Variants in CRPPA observed in about 807,000 individuals in gnomAD.
CRPPA encodes the protein CDP-L-ribitol pyrophosphorylase A.
CRPPA carries 43 observed loss-of-function variants against 52.0 expected under a neutral mutation model. The observed-to-expected ratio is 0.83, with a 90% CI of 0.65 to 1.07. The LOEUF (loss-of-function observed/expected upper bound fraction) is 1.07. Ranked by LOEUF, CRPPA falls within the 50% of genes least tolerant of loss-of-function variation. The pLI is 0.00. For missense variants in CRPPA, 629 were observed against 551.7 expected, an observed-to-expected ratio of 1.14 and a Z score of -1.40; for synonymous variants, 250 against 203.5, an observed-to-expected ratio of 1.23 and a Z score of -1.94.
chr7:16,376,108 T>C lies in CRPPA; in HGVS notation c.668A>G (p.Tyr223Cys), dbSNP rs1364759577. 6.3e-7 allele frequency: 1 copy of C among 1,597,642 alleles called. No individual in the cohort carries two copies. The highest frequency in any genetic ancestry group is 1.3e-5 in the African/African-American group (1 of 74,538). Residue 223 changes from tyrosine (Y) to cysteine (C), a missense_variant, in exon 3 of 10, where the codon TAT becomes TGT. Coordinates refer to ENST00000407010, the MANE Select transcript of CRPPA (RefSeq NM_001101426.4). ...MPQAFLFDVIYEAYQQCSDYD... is the reference protein window; with the variant it reads ...MPQAFLFDVICEAYQQCSDYD... ...AATTCTTACCTGCTGATATGCTTCA[T>C]AAATCACATCAAATAGAAAAGCTTG...
intron 3 of CRPPA, among the ~76,000 whole-genome samples, chr7:16,343,619 C>T (rs1458659803): frequency 3.2e-5 from 2 of 62,506 alleles, no homozygotes; most frequent in African/African-American, 1.3e-4. Context: ...TTTAACATCA[C>T]AGTTGCATTA....
chr7:16,342,928 T>C (rs1785913656), intron 3 of CRPPA, among the ~76,000 whole-genome samples: 2 of 137,430 alleles, frequency 1.5e-5, no homozygotes, highest in South Asian at 4.4e-4. Flanking sequence ...TAGTCCCACC[T>C]ACTTAAGGGG....
At chr7:16,195,143 C>G (rs554920358) in intron 9 of CRPPA, among the ~76,000 whole-genome samples, 2 of 151,956 alleles carry the variant, frequency 1.3e-5, no homozygotes, top group East Asian at 3.9e-4. Flanking sequence ...TGCCTTGAAG[C>G]AAAAGTAATT....
At chr7:16,205,287 T>C (rs1393802754) in intron 9 of CRPPA, among the ~76,000 whole-genome samples, 1 of 152,152 alleles carries the variant, frequency 6.6e-6, no homozygotes, top group Non-Finnish European at 1.5e-5. Context: ...CTTGAGAAAG[T>C]TACTGGTGAA....
chr7:16,311,199 C>T (rs939671401), intron 3 of CRPPA, among the ~76,000 whole-genome samples: 3 of 152,028 alleles, frequency 2.0e-5, no homozygotes, highest in South Asian at 2.1e-4. Flanking sequence ...ATTCAAAGCC[C>T]GTAGTTTAAT....
In CRPPA at chr7:16,229,947, T is replaced by C. The variant is rs141875765; in HGVS notation, c.1120-13750A>G. Among the ~76,000 whole-genome samples the C allele has an allele frequency of 5.3e-3, 814 of 152,242 alleles. 10 individuals carry two copies. The highest frequency in any genetic ancestry group is 0.018 in the African/African-American group (756 of 41,554). ...CAGTTTTTTTTCCCCCTTTTCAGCA[T>C]TTTAAATATATCCTTTTGTTTTTTC... On this transcript the variant is annotated intron_variant, in intron 8 of 9. Coordinates refer to ENST00000407010, the MANE Select transcript of CRPPA (RefSeq NM_001101426.4).
intron 3 of CRPPA, among the ~76,000 whole-genome samples, chr7:16,311,348 G>T (rs1435793626): frequency 6.6e-6 from 1 of 151,966 alleles, no homozygotes; most frequent in Admixed American, 6.6e-5. Flanking sequence ...CATACCTCCG[G>T]CCCCCACAAC....
intron 8 of CRPPA, chr7:16,237,272 A>G (rs1232867228): frequency 6.6e-6 from 1 of 152,184 alleles, no homozygotes; most frequent in African/African-American, 2.4e-5. Context: ...ACCATCGACC[A>G]GATGGCTTAT....
At position 16,308,466 on chromosome 7, in the gene CRPPA, A is replaced by C. The variant is rs13437646; in HGVS notation, c.789+57T>G. ...TGCACTACTGGTTTTAAATGTACAC[A>C]CACGCAAACACATGAAAGCACAGAA... On this transcript the variant is annotated intron_variant, in intron 4 of 9. Coordinates refer to ENST00000407010, the MANE Select transcript of CRPPA (RefSeq NM_001101426.4). 169,065 of 913,528 alleles carry C rather than the reference A, an allele frequency of 0.19. 17,929 individuals are homozygous for C. The highest frequency in any genetic ancestry group is 0.4 in the African/African-American group (24,457 of 61,060). The allele number at this position is 913,528 out of a possible 1,614,324, so 56.6% of individuals were successfully genotyped here.
At chr7:16,348,726 G>C (rs1290458468) in intron 3 of CRPPA, among the ~76,000 whole-genome samples, 2 of 112,748 alleles carry the variant, frequency 1.8e-5, no homozygotes, top group Non-Finnish European at 4.2e-5. Flanking sequence ...TAACAAAGAA[G>C]ACAAACAGTA....
intron 2 of CRPPA, among the ~76,000 whole-genome samples, chr7:16,399,369 A>T (rs1407205862): frequency 6.6e-6 from 1 of 151,974 alleles, no homozygotes; most frequent in Non-Finnish European, 1.5e-5. Flanking sequence ...TTGACGTGAC[A>T]CATTTGTGAC....
chr7:16,368,386 A>C (rs1048544758), intron 3 of CRPPA, among the ~76,000 whole-genome samples: 1 of 152,236 alleles, frequency 6.6e-6, no homozygotes, highest in African/African-American at 2.4e-5. Context: ...AATCTTAATA[A>C]AATAAAACTG....
At chr7:16,265,121 A>G (rs1424519858) in intron 6 of CRPPA, among the ~76,000 whole-genome samples, 2 of 152,204 alleles carry the variant, frequency 1.3e-5, no homozygotes, top group Admixed American at 6.5e-5. Context: ...GCTAATAAAT[A>G]AATTGGGTTA....
intron 9 of CRPPA, among the ~76,000 whole-genome samples, chr7:16,156,115 C>CAAAA (rs35258024): frequency 8.9e-6 from 1 of 111,992 alleles, no homozygotes; most frequent in Non-Finnish European, 1.8e-5. Flanking sequence ...TATTCAAAAG[C>CAAAA]AAAAAAAAAA....
intron 5 of CRPPA, among the ~76,000 whole-genome samples, chr7:16,292,246 A>C (rs1784578901): frequency 6.6e-6 from 1 of 151,946 alleles, no homozygotes; most frequent in Non-Finnish European, 1.5e-5. Flanking sequence ...TGTACTAGAG[A>C]AGACAATATC....
At chr7:16,405,904 A>G (rs1258526539) in intron 2 of CRPPA, among the ~76,000 whole-genome samples, 157 bp downstream of exon 2, 2 of 152,194 alleles carry the variant, frequency 1.3e-5, no homozygotes, top group African/African-American at 2.4e-5. Flanking sequence ...AACAGTCTCA[A>G]TCTATAAAGT....
intron 3 of CRPPA, among the ~76,000 whole-genome samples, chr7:16,348,062 C>A (rs1786060721): frequency 6.6e-6 from 1 of 152,094 alleles, no homozygotes; most frequent in African/African-American, 2.4e-5. Context: ...GGCTACTTGG[C>A]ACAACCCAGC....
At chr7:16,193,428 A>G (rs1191566215) in intron 9 of CRPPA, among the ~76,000 whole-genome samples, 1 of 152,120 alleles carries the variant, frequency 6.6e-6, no homozygotes, top group African/African-American at 2.4e-5. Context: ...ATTCTTACTA[A>G]ACACTTGTGA....
intron 3 of CRPPA, among the ~76,000 whole-genome samples, chr7:16,368,126 T>C (rs1036511571): frequency 6.6e-6 from 1 of 152,174 alleles, no homozygotes; most frequent in Non-Finnish European, 1.5e-5. Context: ...GAAATGAATT[T>C]TAAAAAGCTT....
Sources: gnomAD v4.1 joint callset for allele counts (sites outside exome capture counted in the v4.1 genomes callset) on GRCh38, gnomAD v4.1.1 for gene constraint, MANE v1.5 for transcripts, NCBI Gene and HGNC (gene_info 2026-07-23, HGNC 2026-07-21) for gene names.